Variants in GCSAML observed in about 807,000 individuals in gnomAD.
GCSAML encodes germinal center associated signaling and motility like.
A neutral mutation model predicts 13.0 loss-of-function variants in GCSAML; 9 were observed. That is an observed-to-expected ratio of 0.69 (90% confidence interval 0.42 to 1.21). The LOEUF (loss-of-function observed/expected upper bound fraction) is 1.21. Ranked by LOEUF, GCSAML falls within the 50% of genes most tolerant of loss-of-function variation. The pLI is 0.00. For missense variants in GCSAML, 143 were observed against 153.4 expected (o/e 0.93, Z 0.36); for synonymous variants, 37 against 52.9 (o/e 0.70, Z 1.31).
intron 1 of GCSAML, 49 bp downstream of exon 1, chr1:247,549,269 G>A (rs1205772511): frequency 6.6e-7 from 1 of 1,518,518 alleles, no homozygotes; most frequent in Non-Finnish European, 9.1e-7. Flanking sequence ...AGAGAACAGA[G>A]ATAAGGAGGC....
chr1:247,546,933 TAAA>T (rs767482285), upstream of GCSAML, among the ~76,000 whole-genome samples: 17 of 102,208 alleles, frequency 1.7e-4, no homozygotes, highest in South Asian at 1.2e-3. Flanking sequence ...CTACTAAAAT[TAAA>T]AAAAAAAAAA....
rs767644272 is a variant in GCSAML at position 247,532,495 on chromosome 1, T to C, written c.-148+5441T>C. Reference sequence around the variant, plus strand: ...GACAAAGACTTCTGGAGAACTCACATTGGCTATTTCCATCATTGTATGCTG... The same window carrying C: ...GACAAAGACTTCTGGAGAACTCACACTGGCTATTTCCATCATTGTATGCTG... On this transcript the variant is annotated intron_variant, in intron 2 of 5. Transcript: ENST00000366489. 2.3e-5 allele frequency: 37 copies of C among 1,613,746 alleles called. No homozygotes were observed. Among genetic ancestry groups the C allele is most frequent in the Non-Finnish European group, 2.8e-5 (33 of 1,179,834 alleles).
chr1:247,509,474 C>T (rs906158748), intron 1 of GCSAML, among the ~76,000 whole-genome samples: 4 of 152,154 alleles, frequency 2.6e-5, no homozygotes, highest in African/African-American at 9.7e-5. Flanking sequence ...GACTTCCTCT[C>T]TTCCTATATG....
chr1:247,521,704 C>T (rs945952268), intron 1 of GCSAML, among the ~76,000 whole-genome samples: 78 of 152,178 alleles, frequency 5.1e-4, no homozygotes, highest in African/African-American at 1.5e-3. Flanking sequence ...CAGGCTGGAG[C>T]GCAGTGGCAT....
intron 4 of GCSAML, among the ~76,000 whole-genome samples, chr1:247,572,105 A>T (rs538055334): frequency 3.2e-4 from 49 of 152,028 alleles, no homozygotes; most frequent in African/African-American, 1.1e-3. Context: ...AATTCCTGTA[A>T]CCTTTTTTCA....
chr1:247,551,362 G>A (rs759727087), intron 1 of GCSAML, among the ~76,000 whole-genome samples: 1 of 152,208 alleles, frequency 6.6e-6, no homozygotes, highest in Non-Finnish European at 1.5e-5. Flanking sequence ...AATAATTGGA[G>A]CATATTGTTC....
At chr1:247,536,642 G>GA (rs1030169120) in intron 2 of GCSAML, among the ~76,000 whole-genome samples, 1 of 152,020 alleles carries the variant, frequency 6.6e-6, no homozygotes, top group African/African-American at 2.4e-5. Flanking sequence ...AAAGTGGAGG[G>GA]AAAAAAGCTT....
At chr1:247,559,497 A>C (rs908394468) in intron 2 of GCSAML, among the ~76,000 whole-genome samples, 2 of 152,182 alleles carry the variant, frequency 1.3e-5, no homozygotes, top group African/African-American at 4.8e-5. Flanking sequence ...CAGTGTGAGA[A>C]GGTCCCTGTG....
intron 4 of GCSAML, among the ~76,000 whole-genome samples, chr1:247,572,646 G>A (rs949375395): frequency 2.0e-5 from 3 of 152,184 alleles, no homozygotes; most frequent in Non-Finnish European, 2.9e-5. Context: ...GTCGATCCCT[G>A]TTGGGAGGTG....
At chr1:247,543,008 A>G (rs185979792) in intron 2 of GCSAML, among the ~76,000 whole-genome samples, 280 of 152,332 alleles carry the variant, frequency 1.8e-3, no homozygotes, top group African/African-American at 6.4e-3. Context: ...CTGCAACCAA[A>G]TATCTGTCCT....
At chr1:247,572,107 C>T (rs899765772) in intron 4 of GCSAML, among the ~76,000 whole-genome samples, 2 of 152,050 alleles carry the variant, frequency 1.3e-5, no homozygotes, top group Admixed American at 6.6e-5. Context: ...TTCCTGTAAC[C>T]TTTTTTCAAG....
intron 2 of GCSAML, among the ~76,000 whole-genome samples, chr1:247,544,133 G>A (rs754667243): frequency 1.3e-5 from 2 of 152,186 alleles, no homozygotes. Context: ...AAAACTTCAT[G>A]TGAGGTTGTA....
intron 2 of GCSAML, chr1:247,538,614 A>G (rs1255062542): frequency 7.8e-6 from 3 of 385,490 alleles, no homozygotes; most frequent in Non-Finnish European, 1.5e-5. Context: ...AAAAAGAGTA[A>G]GAAATACTAG....
chr1:247,513,757 G>A (rs1572278756), intron 1 of GCSAML, among the ~76,000 whole-genome samples: 1 of 152,156 alleles, frequency 6.6e-6, no homozygotes, highest in Admixed American at 6.5e-5. Context: ...CCTTGGCTAG[G>A]GGAGGGATTT....
At chr1:247,530,989 G>T (rs1278124973) in intron 2 of GCSAML, 1 of 153,800 alleles carries the variant, frequency 6.5e-6, no homozygotes, top group African/African-American at 2.4e-5. Context: ...GGTCCAGGCT[G>T]GGGGAGGCCG....
chr1:247,567,559 T>C (rs1668434235), intron 4 of GCSAML, among the ~76,000 whole-genome samples: 1 of 152,220 alleles, frequency 6.6e-6, no homozygotes, highest in African/African-American at 2.4e-5. Flanking sequence ...TGGCACATTT[T>C]CTTTATCCAG....
intron 2 of GCSAML, among the ~76,000 whole-genome samples, chr1:247,559,812 C>G (rs947042537): frequency 6.6e-6 from 1 of 152,088 alleles, no homozygotes; most frequent in Non-Finnish European, 1.5e-5. Context: ...TATTGTCTTC[C>G]CTCTGTGTTA....
At chr1:247,564,957 G>A (rs1668281971) in intron 3 of GCSAML, among the ~76,000 whole-genome samples, 1 of 152,158 alleles carries the variant, frequency 6.6e-6, no homozygotes, top group Admixed American at 6.5e-5. Context: ...ATAGGAATGA[G>A]CAAATATTTC....
At chr1:247,567,366 C>G (rs934616623) in intron 4 of GCSAML, among the ~76,000 whole-genome samples, 4 of 151,956 alleles carry the variant, frequency 2.6e-5, no homozygotes, top group Non-Finnish European at 5.9e-5. Flanking sequence ...TGTGATGTTC[C>G]CCTCCCTGTG....
Sources: gnomAD v4.1 joint callset for allele counts (sites outside exome capture counted in the v4.1 genomes callset) on GRCh38, gnomAD v4.1.1 for gene constraint, MANE v1.5 for transcripts, NCBI Gene and HGNC (gene_info 2026-07-23, HGNC 2026-07-21) for gene names.